Variants in RUNX1T1 observed in about 807,000 individuals in gnomAD.
The protein encoded by RUNX1T1 is RUNX1 partner transcriptional co-repressor 1.
In RUNX1T1, 4 loss-of-function variants were observed where a neutral mutation model predicts 62.8. The observed-to-expected ratio is 0.06, with a 90% CI of 0.03 to 0.15. The LOEUF (loss-of-function observed/expected upper bound fraction) is 0.15. Ranked by LOEUF, RUNX1T1 falls within the 10% of genes least tolerant of loss-of-function variation. RUNX1T1 has a pLI of 1.00. For synonymous variants in RUNX1T1, 291 were observed against 286.0 expected, an observed-to-expected ratio of 1.02 and a Z score of -0.18; for missense variants, 508 against 754.3, an observed-to-expected ratio of 0.67 and a Z score of 3.82.
chr8:92,092,852 TTTTTTTTA>T (rs1157327783), intron 1 of RUNX1T1, among the ~76,000 whole-genome samples: 1 of 151,984 alleles, frequency 6.6e-6, no homozygotes, highest in Non-Finnish European at 1.5e-5. Flanking sequence ...ATAGAAAATT[TTTTTTTTA>T]TTTTTTTGTT....
chr8:92,003,633 G>A (rs1820180803), intron 5 of RUNX1T1, among the ~76,000 whole-genome samples: 1 of 152,104 alleles, frequency 6.6e-6, no homozygotes, highest in African/African-American at 2.4e-5. Context: ...AAACATCTCA[G>A]TATCTGTATG....
At chr8:92,095,387 C>T (rs1432795097) in intron 1 of RUNX1T1, 9 of 1,535,344 alleles carry the variant, frequency 5.9e-6, no homozygotes, top group African/African-American at 4.1e-5. Flanking sequence ...GCGGCCGAGG[C>T]GGCACCCAGA....
exon 6 of RUNX1T1, chr8:91,991,812 C>T (rs778126383): frequency 1.2e-6 from 2 of 1,614,086 alleles, no homozygotes; most frequent in Non-Finnish European, 1.7e-6. Flanking sequence ...GTACCGCTGG[C>T]CTGGGCTAAT....
At chr8:92,017,424 G>C (rs760208494) in intron 1 of RUNX1T1, 61 bp from the exon 3 acceptor site, 1 of 1,612,744 alleles carries the variant, frequency 6.2e-7, no homozygotes, top group South Asian at 1.1e-5. Context: ...TTTTCAAGTG[G>C]GGTTTATCTT....
intron 10 of RUNX1T1, among the ~76,000 whole-genome samples, chr8:91,964,251 C>T (rs1362711431): frequency 1.3e-5 from 2 of 152,146 alleles, no homozygotes; most frequent in Non-Finnish European, 1.5e-5. Context: ...ATCTTTCTGT[C>T]GTACAGGCAT....
intron 1 of RUNX1T1, among the ~76,000 whole-genome samples, chr8:92,053,646 C>T (rs1159989008): frequency 6.6e-6 from 1 of 152,122 alleles, no homozygotes; most frequent in Non-Finnish European, 1.5e-5. Flanking sequence ...AATTCTCATT[C>T]GTAAAGACCA....
intron 1 of RUNX1T1, among the ~76,000 whole-genome samples, chr8:92,022,808 T>G (rs996021877): frequency 7.2e-5 from 11 of 152,288 alleles, no homozygotes; most frequent in African/African-American, 2.6e-4. Context: ...GAAACACAAA[T>G]AGGATCTTAC....
chr8:92,013,006 G>C (rs1822277758), intron 3 of RUNX1T1, among the ~76,000 whole-genome samples: 1 of 151,616 alleles, frequency 6.6e-6, no homozygotes, highest in Admixed American at 6.6e-5. Context: ...AAGTTTTTCT[G>C]CATTTTCAAT....
At chr8:91,984,249 C>T (rs1427701355) in intron 8 of RUNX1T1, among the ~76,000 whole-genome samples, 2 of 152,222 alleles carry the variant, frequency 1.3e-5, no homozygotes, top group East Asian at 1.9e-4. Flanking sequence ...TCCTGGAGAA[C>T]ATGATATATA....
intron 1 of RUNX1T1, among the ~76,000 whole-genome samples, chr8:92,090,415 T>G (rs1260155983): frequency 6.6e-6 from 1 of 151,954 alleles, no homozygotes; most frequent in Non-Finnish European, 1.5e-5. Flanking sequence ...AGAAAATCAC[T>G]CCAGCATACT....
chr8:91,968,173 C>T (rs2130571914), intron 10 of RUNX1T1, among the ~76,000 whole-genome samples: 1 of 152,220 alleles, frequency 6.6e-6, no homozygotes, highest in Non-Finnish European at 1.5e-5. Context: ...CCACACGTAT[C>T]TGCCTCCGAG....
chr8:92,076,263 C>A, intron 1 of RUNX1T1, 126 bp from the exon 2 acceptor site: 1 of 628,226 alleles, frequency 1.6e-6, no homozygotes, highest in African/African-American at 1.9e-5. Flanking sequence ...AAAACAGATA[C>A]AAGCTCTTCT....
chr8:92,005,139 G>A (rs187368715), exon 5 of RUNX1T1: 31 of 1,611,780 alleles, frequency 1.9e-5, no homozygotes, highest in Middle Eastern at 3.3e-4. Flanking sequence ...GCCTCTTCCC[G>A]TTTTCGTTCA....
chr8:92,056,938 A>T (rs889314014), intron 1 of RUNX1T1, among the ~76,000 whole-genome samples: 4 of 152,220 alleles, frequency 2.6e-5, no homozygotes, highest in African/African-American at 9.6e-5. Flanking sequence ...GTGATATTTC[A>T]GTTAACCTGT....
intron 6 of RUNX1T1, among the ~76,000 whole-genome samples, chr8:91,988,699 T>C (rs1817057130): frequency 6.6e-6 from 1 of 152,118 alleles, no homozygotes; most frequent in African/African-American, 2.4e-5. Context: ...CAAGCTGTAA[T>C]GCCTGGAGTA....
chr8:92,075,816 A>C, intron 2 of RUNX1T1, 149 bp downstream of exon 2: 1 of 694,988 alleles, frequency 1.4e-6, no homozygotes, highest in Non-Finnish European at 2.2e-6. Flanking sequence ...AAGATTTCAA[A>C]GACAAATGTT....
chr8:92,011,786 C>T (rs1394419989), intron 3 of RUNX1T1, among the ~76,000 whole-genome samples: 1 of 152,204 alleles, frequency 6.6e-6, no homozygotes, highest in Non-Finnish European at 1.5e-5. Flanking sequence ...CTCAGATTCA[C>T]TTCTAACCTA....
chr8:92,042,915 C>T (rs1238967456), intron 1 of RUNX1T1, among the ~76,000 whole-genome samples: 1 of 152,174 alleles, frequency 6.6e-6, no homozygotes, highest in African/African-American at 2.4e-5. Context: ...TGGATTCAAG[C>T]ATGTCAGTTA....
chr8:91,962,608 C>T (rs534466127), intron 10 of RUNX1T1, among the ~76,000 whole-genome samples: 11 of 152,324 alleles, frequency 7.2e-5, no homozygotes, highest in African/African-American at 2.2e-4. Context: ...CGTGAGCAAA[C>T]GTGGGCCTGG....
Sources: allele counts gnomAD v4.1 joint callset (sites outside exome capture counted in the v4.1 genomes callset), GRCh38; gene constraint gnomAD v4.1.1; transcripts MANE v1.5; gene names NCBI Gene and HGNC (gene_info 2026-07-23, HGNC 2026-07-21).